The following SHC4 variants were observed in gnomAD, a reference collection of about 807,000 sequenced individuals.
The protein encoded by SHC4 is SHC-transforming protein 4.
A neutral mutation model predicts 69.4 loss-of-function variants in SHC4; 41 were observed. The observed-to-expected ratio is 0.59, with a 90% CI of 0.46 to 0.77. The LOEUF is 0.77. SHC4 is among the 30% of genes least tolerant of loss of function. The pLI is 0.00. For missense variants in SHC4, 777 were observed against 783.8 expected (o/e 0.99, Z 0.10); for synonymous variants, 318 against 299.3 (o/e 1.06, Z -0.64).
chr15:48,856,318 C>T (rs1042125985), intron 7 of SHC4, among the ~76,000 whole-genome samples, 194 bp from the exon 8 acceptor site: 1 of 152,082 alleles, frequency 6.6e-6, no homozygotes, highest in Non-Finnish European at 1.5e-5. Flanking sequence ...TTTCTGTAGA[C>T]AAAACGGGGT....
chr15:48,922,969 A>G (rs1163012629), intron 2 of SHC4, among the ~76,000 whole-genome samples: 1 of 152,206 alleles, frequency 6.6e-6, no homozygotes, highest in Non-Finnish European at 1.5e-5. Context: ...AAATACTGGA[A>G]GTGTAGTCAG....
At chr15:48,920,341 A>T (rs1900728585) in intron 2 of SHC4, among the ~76,000 whole-genome samples, 1 of 152,044 alleles carries the variant, frequency 6.6e-6, no homozygotes, top group Non-Finnish European at 1.5e-5. Context: ...AATTACCTTC[A>T]ACTGTGCATG....
chr15:48,904,797 G>C (rs1347540014), intron 2 of SHC4, among the ~76,000 whole-genome samples: 2 of 151,882 alleles, frequency 1.3e-5, no homozygotes, highest in Non-Finnish European at 2.9e-5. Context: ...GAGGCAGGAG[G>C]ATCACTTGAG....
At chr15:48,924,820 G>T (rs1900818893) in intron 2 of SHC4, 59 bp downstream of exon 2, 1 of 1,557,200 alleles carries the variant, frequency 6.4e-7, no homozygotes, top group Non-Finnish European at 8.9e-7. Context: ...TCCTGTGGGA[G>T]AAATTATTGT....
At chr15:48,949,674 G>A (rs1463992342) in intron 1 of SHC4, among the ~76,000 whole-genome samples, 2 of 151,698 alleles carry the variant, frequency 1.3e-5, no homozygotes, top group African/African-American at 4.8e-5. Flanking sequence ...TTTTCCAGCA[G>A]CTTTTACTCT....
intron 1 of SHC4, among the ~76,000 whole-genome samples, chr15:48,949,670 A>C (rs1726214098): frequency 6.6e-6 from 1 of 151,764 alleles, no homozygotes; most frequent in African/African-American, 2.4e-5. Context: ...ATTCTTTTCC[A>C]GCAGCTTTTA....
At chr15:48,885,319 A>G (rs149358877) in intron 3 of SHC4, among the ~76,000 whole-genome samples, 1 of 149,994 alleles carries the variant, frequency 6.7e-6, no homozygotes, top group African/African-American at 2.5e-5. Context: ...AATTCCTTTT[A>G]TATAAAATGT....
intron 6 of SHC4, among the ~76,000 whole-genome samples, chr15:48,863,479 TA>T (rs1400371232): frequency 2.4e-5 from 1 of 41,158 alleles, no homozygotes; most frequent in East Asian, 9.6e-3. Flanking sequence ...TTATGAATAC[TA>T]AATTTTGTCT....
chr15:48,868,504 A>C (rs1181062376), intron 5 of SHC4, among the ~76,000 whole-genome samples: 2 of 152,258 alleles, frequency 1.3e-5, no homozygotes, highest in East Asian at 3.8e-4. Flanking sequence ...TGACTTCGTA[A>C]AAACAAACCA....
intron 2 of SHC4, among the ~76,000 whole-genome samples, chr15:48,902,221 A>G (rs2141012038): frequency 6.6e-6 from 1 of 150,954 alleles, no homozygotes; most frequent in African/African-American, 2.4e-5. Flanking sequence ...AAAAAAAAAG[A>G]ACTGGGTCTA....
chr15:48,891,057 ATC>A (rs1195684624), intron 2 of SHC4, among the ~76,000 whole-genome samples: 1 of 152,010 alleles, frequency 6.6e-6, no homozygotes, highest in East Asian at 1.9e-4. Context: ...CGCTTTTTTC[ATC>A]TCTGTTTTTC....
At chr15:48,916,995 A>G (rs1900635523) in intron 2 of SHC4, among the ~76,000 whole-genome samples, 1 of 152,142 alleles carries the variant, frequency 6.6e-6, no homozygotes, top group Non-Finnish European at 1.5e-5. Flanking sequence ...TTCCCTTTGC[A>G]ATTTCCTTGG....
At chr15:48,867,460 A>C (rs888910984) in intron 6 of SHC4, among the ~76,000 whole-genome samples, 4 of 152,092 alleles carry the variant, frequency 2.6e-5, no homozygotes, top group African/African-American at 9.7e-5. Flanking sequence ...CACACACCAA[A>C]GCCAATGCAG....
chr15:48,932,926 C>A (rs7178085), intron 1 of SHC4, among the ~76,000 whole-genome samples: 10,960 of 152,036 alleles, frequency 0.072, 547 homozygotes, highest in Non-Finnish European at 0.081. Flanking sequence ...CTTGAGGTAA[C>A]TTTTAAGAAA....
At position 48,856,044 on chromosome 15, in the gene SHC4, G is replaced by A. The variant is rs796981828; in HGVS notation, c.1151C>T (p.Pro384Leu). ...CCGCATATCTGAAACACCACCTACT[G>A]GTGGCTGCTTCCCTGGAATTTCATT... ...YYNEIPGKQPPVGGVSDMRIK... is the reference protein window; with the variant it reads ...YYNEIPGKQPLVGGVSDMRIK... Residue 384 changes from proline to leucine, a missense_variant, in exon 8 of 12, where the codon CCA (proline) becomes CTA (leucine). By Grantham distance (98) the Pro-to-Leu change is moderately conservative. Transcript: ENST00000332408. 2 of 1,613,708 alleles carry A rather than the reference G, an allele frequency of 1.2e-6. No individual in the cohort carries two copies. Among genetic ancestry groups the A allele is most frequent in the African/African-American group, 2.7e-5 (2 of 74,874 alleles).
chr15:48,828,136 C>T (rs72739884), intron 11 of SHC4, among the ~76,000 whole-genome samples: 31 of 144,208 alleles, frequency 2.1e-4, no homozygotes, highest in South Asian at 8.7e-4. Flanking sequence ...TATATATATA[C>T]ATCTGTTATG....
Position 48,962,021 on chromosome 15 carries a change from T to G in SHC4, c.585+410A>C, listed in dbSNP as rs185754161. Among the ~76,000 whole-genome samples, 18 of 152,364 alleles carry G rather than the reference T, an allele frequency of 1.2e-4. No homozygotes were observed. The East Asian group carries it at 3.1e-3, about 26-fold the overall frequency. On this transcript the variant is annotated intron_variant, in intron 1 of 11. Coordinates refer to ENST00000332408, the MANE Select transcript of SHC4 (RefSeq NM_203349.4). Reference sequence around the variant, plus strand: ...GTTTCTACAGCACAGAAATCTTTACTGTATTCATCCAAAATACAATGGCCA... The same window carrying G: ...GTTTCTACAGCACAGAAATCTTTACGGTATTCATCCAAAATACAATGGCCA...
chr15:48,925,465 G>T (rs149678237), intron 1 of SHC4, among the ~76,000 whole-genome samples: 105 of 152,290 alleles, frequency 6.9e-4, no homozygotes, highest in Non-Finnish European at 1.3e-3. Context: ...GAGAATACAG[G>T]AATGTCAAAT....
intron 4 of SHC4, among the ~76,000 whole-genome samples, chr15:48,875,800 C>T (rs1005982750): frequency 2.0e-5 from 3 of 152,172 alleles, no homozygotes; most frequent in Admixed American, 6.5e-5. Flanking sequence ...AAAGAGGTCG[C>T]TTCTGAATGT....
Sources: allele counts gnomAD v4.1 joint callset (sites outside exome capture counted in the v4.1 genomes callset), GRCh38; gene constraint gnomAD v4.1.1; transcripts MANE v1.5; gene names NCBI Gene and HGNC (gene_info 2026-07-23, HGNC 2026-07-21).